The following ZPBP variants were observed in gnomAD, a reference collection of about 807,000 sequenced individuals.
The protein encoded by ZPBP is zona pellucida-binding protein 1.
ZPBP carries 26 observed loss-of-function variants against 44.8 expected under a neutral mutation model. That is an observed-to-expected ratio of 0.58 (90% CI 0.43 to 0.81). The LOEUF (loss-of-function observed/expected upper bound fraction) is 0.81. Among genes scored for constraint, ZPBP ranks in the 30% least tolerant of loss-of-function variants. The pLI is 0.00. For synonymous variants in ZPBP, 174 were observed against 153.2 expected (o/e 1.14, Z -1.00); for missense variants, 409 against 434.0 (o/e 0.94, Z 0.51).
At chr7:50,067,352 TC>T (rs1174387324) in intron 3 of ZPBP, among the ~76,000 whole-genome samples, 1 of 152,184 alleles carries the variant, frequency 6.6e-6, no homozygotes, top group Non-Finnish European at 1.5e-5. Flanking sequence ...TCTTTTTTTT[TC>T]CTTCGTAAAT....
chr7:50,002,595 C>G (rs1798146808), intron 6 of ZPBP, among the ~76,000 whole-genome samples: 1 of 152,132 alleles, frequency 6.6e-6, no homozygotes, highest in Non-Finnish European at 1.5e-5. Flanking sequence ...AAGAACTACC[C>G]AGAAGGGTAA....
At chr7:50,002,352 G>A (rs1349524034) in intron 6 of ZPBP, among the ~76,000 whole-genome samples, 3 of 152,090 alleles carry the variant, frequency 2.0e-5, no homozygotes, top group Non-Finnish European at 4.4e-5. Flanking sequence ...CTTGACATGT[G>A]GAGATTATTA....
chr7:49,872,964 C>A (rs1345483382), intron 2 of ZPBP, among the ~76,000 whole-genome samples: 1 of 139,548 alleles, frequency 7.2e-6, no homozygotes, highest in Non-Finnish European at 1.6e-5. Context: ...AATTTGGTAT[C>A]CAAATAAATA....
At chr7:50,000,570 G>A (rs924813182) in intron 6 of ZPBP, among the ~76,000 whole-genome samples, 11 of 152,116 alleles carry the variant, frequency 7.2e-5, no homozygotes, top group African/African-American at 2.7e-4. Context: ...CTTGCTACCT[G>A]TTCTCCAGTA....
chr7:49,876,228 G>A (rs1251252708), intron 2 of ZPBP, among the ~76,000 whole-genome samples: 1 of 152,160 alleles, frequency 6.6e-6, no homozygotes, highest in Non-Finnish European at 1.5e-5. Flanking sequence ...GTAAGATACC[G>A]AAATGTTTTG....
chr7:50,073,021 T>C (rs994068687), intron 3 of ZPBP, among the ~76,000 whole-genome samples: 2 of 152,058 alleles, frequency 1.3e-5, no homozygotes, highest in African/African-American at 4.8e-5. Context: ...GAACATCTAC[T>C]AGTATCAACA....
At chr7:50,083,438 A>G (rs1802470527) in intron 2 of ZPBP, among the ~76,000 whole-genome samples, 1 of 151,946 alleles carries the variant, frequency 6.6e-6, no homozygotes, top group Non-Finnish European at 1.5e-5. Context: ...TTTATTCCCA[A>G]ATTTATTTAT....
Position 50,078,126 on chromosome 7 carries a change from A to C in ZPBP, c.334+3648T>G, listed in dbSNP as rs115606292. 3.6e-3 allele frequency among the ~76,000 whole-genome samples: 553 copies of C among 151,906 alleles called. 3 individuals are homozygous for C. Among genetic ancestry groups the C allele is most frequent in the African/African-American group, 0.013 (530 of 41,510 alleles). The stretch of plus-strand genomic sequence containing the variant: ...GAACTGGAGATCATTATGTTAAGCG[A>C]AATAAGCAGTCATAAGAAGACAAAC... On this transcript the variant is annotated intron_variant, in intron 3 of 7. Coordinates refer to ENST00000046087, the MANE Select transcript of ZPBP (RefSeq NM_007009.3).
At chr7:49,956,232 T>C (rs920143256) in intron 7 of ZPBP, among the ~76,000 whole-genome samples, 1 of 152,030 alleles carries the variant, frequency 6.6e-6, no homozygotes, top group African/African-American at 2.4e-5. Context: ...TAGAAAAATC[T>C]TAAATATCTA....
chr7:49,902,896 A>G (rs1456094289), intron 1 of ZPBP, among the ~76,000 whole-genome samples: 1 of 152,202 alleles, frequency 6.6e-6, no homozygotes, highest in Non-Finnish European at 1.5e-5. Context: ...TACGTGGAAC[A>G]TATAAATAAC....
At chr7:50,037,693 A>G (rs552887551) in intron 4 of ZPBP, among the ~76,000 whole-genome samples, 1 of 152,188 alleles carries the variant, frequency 6.6e-6, no homozygotes, top group Non-Finnish European at 1.5e-5. Flanking sequence ...ACAATTAAAC[A>G]TGAGATTTAG....
chr7:49,972,883 C>T (rs978218769), intron 7 of ZPBP, among the ~76,000 whole-genome samples: 4 of 151,650 alleles, frequency 2.6e-5, no homozygotes, highest in African/African-American at 9.7e-5. Context: ...GACATACAGA[C>T]CAATGGAACA....
chr7:49,878,815 A>G (rs1429786458), intron 2 of ZPBP, among the ~76,000 whole-genome samples: 1 of 152,194 alleles, frequency 6.6e-6, no homozygotes, highest in Non-Finnish European at 1.5e-5. Context: ...GTGAATAAAG[A>G]CATGTTGGAA....
At chr7:50,012,488 A>C (rs1798633848) in intron 6 of ZPBP, among the ~76,000 whole-genome samples, 1 of 151,980 alleles carries the variant, frequency 6.6e-6, no homozygotes, top group African/African-American at 2.4e-5. Flanking sequence ...ACATTACAAA[A>C]AATAACATGA....
chr7:50,055,992 C>A (rs1021019007), intron 4 of ZPBP, among the ~76,000 whole-genome samples: 8 of 152,108 alleles, frequency 5.3e-5, no homozygotes, highest in African/African-American at 1.4e-4. Context: ...AATTATCTTA[C>A]CAAAACATTA....
In ZPBP at chr7:50,081,781, A is replaced by T. The variant is rs1446465532; in HGVS notation, c.327T>A (p.Val109=). Residue 109 remains valine (V), a synonymous_variant, in exon 3 of 8, where the codon GTT becomes GTA. Coordinates refer to ENST00000046087, the MANE Select transcript of ZPBP (RefSeq NM_007009.3). ...SFQWYGPKGK[V]VSVENRTAQI... The stretch of plus-strand genomic sequence containing the variant: ...ATTGAAACAAAATCCTACCTGAAAC[A>T]ACTTTTCCTTTAGGCCCATACCATT... 1.2e-6 allele frequency: 2 copies of T among 1,611,070 alleles called. No homozygotes were observed. Among genetic ancestry groups the T allele is most frequent in the Admixed American group, 3.3e-5 (2 of 59,772 alleles).
intron 7 of ZPBP, among the ~76,000 whole-genome samples, chr7:49,939,271 TATTG>T (rs1321690477): frequency 1.3e-5 from 2 of 152,206 alleles, no homozygotes; most frequent in Non-Finnish European, 2.9e-5. Context: ...ATATGCTTTA[TATTG>T]ATTATCAAAA....
At chr7:49,924,658 TAAG>T (rs1275008814) in intron 1 of ZPBP, among the ~76,000 whole-genome samples, 9 of 152,118 alleles carry the variant, frequency 5.9e-5, no homozygotes, top group African/African-American at 2.2e-4. Context: ...TCTGCAGTGT[TAAG>T]AAGATAATAA....
intron 4 of ZPBP, among the ~76,000 whole-genome samples, chr7:50,037,606 A>G (rs1377797240): frequency 6.6e-6 from 1 of 152,172 alleles, no homozygotes; most frequent in East Asian, 1.9e-4. Flanking sequence ...AGAACTCACT[A>G]TCACAAGCAC....
Sources: gnomAD v4.1 joint callset for allele counts (sites outside exome capture counted in the v4.1 genomes callset) on GRCh38, gnomAD v4.1.1 for gene constraint, MANE v1.5 for transcripts, NCBI Gene and HGNC (gene_info 2026-07-23, HGNC 2026-07-21) for gene names.